USPL1: variants seen among roughly 807,000 people sequenced by gnomAD.
USPL1 encodes the protein ubiquitin specific peptidase like 1.
USPL1 carries 27 observed loss-of-function variants against 51.5 expected under a neutral mutation model. The ratio of observed to expected loss-of-function variants is 0.52; its 90% CI spans 0.39 to 0.72. USPL1 has a LOEUF of 0.72. Ranked by LOEUF, USPL1 falls within the 30% of genes least tolerant of loss-of-function variation. The pLI is 0.00. For synonymous variants in USPL1, 451 were observed against 459.6 expected (o/e 0.98, Z 0.24); for missense variants, 1,226 against 1,268.0 (o/e 0.97, Z 0.50).
chr13:30,629,963 CTATTAT>C lies in USPL1; in HGVS notation c.229-852_229-847del, dbSNP rs142884305. ...TTGTGTAAAAGAAGGCATTAATTAA[CTATTAT>C]TATTATTATTATTATTATTTTAGAG... On this transcript the variant is annotated intron_variant, in intron 3 of 8. Transcript: ENST00000255304. Among the ~76,000 whole-genome samples the C allele has an allele frequency of 2.2e-4, 33 of 151,136 alleles. 1 individual carries two copies. In the Middle Eastern group the frequency reaches 0.014, roughly 64 times the overall value.
At chr13:30,636,565 T>C (rs1950878629) in intron 4 of USPL1, among the ~76,000 whole-genome samples, 1 of 152,226 alleles carries the variant, frequency 6.6e-6, no homozygotes, top group Non-Finnish European at 1.5e-5. Flanking sequence ...ATAATTTTCT[T>C]ATTAATCTTG....
intron 5 of USPL1, among the ~76,000 whole-genome samples, chr13:30,639,108 C>G (rs952892674): frequency 6.6e-6 from 1 of 151,202 alleles, no homozygotes; most frequent in Non-Finnish European, 1.5e-5. Context: ...TCCAGCTACT[C>G]GGGAGGCTGA....
intron 4 of USPL1, among the ~76,000 whole-genome samples, chr13:30,636,860 C>T (rs79615506): frequency 2.5e-3 from 386 of 152,318 alleles, no homozygotes; most frequent in African/African-American, 8.7e-3. Context: ...CATAGCAAGA[C>T]CCTGTCTCCA....
Position 30,658,842 on chromosome 13 carries a change from A to G in USPL1, c.2765A>G (p.Gln922Arg), listed in dbSNP as rs1157527722. The G allele has an allele frequency of 6.2e-7, 1 of 1,614,018 alleles. No homozygotes were observed. Among genetic ancestry groups the G allele is most frequent in the African/African-American group, 1.3e-5 (1 of 75,076 alleles). The change falls in exon 9 of 9, where the codon CAG (glutamine) becomes CGG (arginine). Residue 922 changes from glutamine to arginine, a missense_variant. Gln to Arg is a conservative substitution (Grantham distance 43). Transcript: ENST00000255304. ...ACAGTTCGAAGTGAAAATCTAGAAC[A>G]GGTGCCCCAGGATGGGTCTCCAAAT... ...SRTVRSENLE[Q>R]VPQDGSPNDC...
At position 30,641,906 on chromosome 13, in the gene USPL1, A is replaced by AT. The variant is rs779288804; in HGVS notation, c.983-705dup. Among the ~76,000 whole-genome samples the AT allele has an allele frequency of 4.1e-3, 573 of 141,430 alleles. 2 individuals are homozygous for AT. The highest frequency in any genetic ancestry group is 8.8e-3 in the African/African-American group (342 of 38,652). The allele number at this position is 141,430 out of a possible 152,430, so 92.8% of individuals were successfully genotyped here. On this transcript the variant is annotated intron_variant, in intron 5 of 8. Coordinates refer to ENST00000255304, the MANE Select transcript of USPL1 (RefSeq NM_005800.5). ...ACATCTGTAGCAAACCATTTCCATA[A>AT]TTTTTTTTTTTTTTTTTAGAGACGA...
intron 5 of USPL1, among the ~76,000 whole-genome samples, chr13:30,638,590 G>GT (rs1950906139): frequency 6.6e-6 from 1 of 151,824 alleles, no homozygotes; most frequent in Non-Finnish European, 1.5e-5. Context: ...GAGCTGCGGG[G>GT]TTTTTTTGTT....
intron 7 of USPL1, 95 bp from the exon 8 acceptor site, chr13:30,653,053 G>A: frequency 7.9e-7 from 1 of 1,260,192 alleles, no homozygotes; most frequent in East Asian, 2.5e-5. Context: ...AGCCTTGGAA[G>A]TGTTATGTGT....
At chr13:30,621,303 A>T (rs959556684) in intron 2 of USPL1, 64 bp downstream of exon 2, 1 of 1,270,320 alleles carries the variant, frequency 7.9e-7, no homozygotes, top group Non-Finnish European at 1.1e-6. Flanking sequence ...TTGAGACTTA[A>T]ATTCAATTTT....
intron 4 of USPL1, among the ~76,000 whole-genome samples, chr13:30,636,716 T>C (rs1418500583): frequency 6.6e-6 from 1 of 152,190 alleles, no homozygotes; most frequent in Non-Finnish European, 1.5e-5. Flanking sequence ...AACTAAAATG[T>C]CTGGCAATAG....
chr13:30,633,973 T>C (rs886711034), intron 4 of USPL1, among the ~76,000 whole-genome samples: 1 of 152,168 alleles, frequency 6.6e-6, no homozygotes, highest in African/African-American at 2.4e-5. Context: ...CAAATTTCTT[T>C]TTCTTTCTTC....
At position 30,658,962 on chromosome 13, in the gene USPL1, T is replaced by C. The variant is rs1282697652; in HGVS notation, c.2885T>C (p.Leu962Pro). 6.2e-7 allele frequency: 1 copy of C among 1,614,242 alleles called. No homozygotes were observed. Among genetic ancestry groups the C allele is most frequent in the South Asian group, 1.1e-5 (1 of 91,086 alleles). The part of the protein sequence containing the change: ...SACTTVPGVS[L>P]YSSQTHEEIL... ...TGCACCACTGTTCCTGGTGTTTCCC[T>C]GTACAGTAGTCAAACTCATGAAGAA... The change falls in exon 9 of 9, where the codon CTG becomes CCG. Residue 962 changes from leucine to proline, a missense_variant. Coordinates refer to ENST00000255304, the MANE Select transcript of USPL1 (RefSeq NM_005800.5).
In USPL1 at chr13:30,621,077, C is replaced by A; in HGVS notation, c.-64C>A. 1 of 1,323,290 alleles carries A rather than the reference C, an allele frequency of 7.6e-7. No individual in the cohort carries two copies. Among genetic ancestry groups the A allele is most frequent in the South Asian group, 1.3e-5 (1 of 74,084 alleles). The allele number at this position is 1,323,290 out of a possible 1,614,324, so 82.0% of individuals were successfully genotyped here. A position where few individuals can be genotyped will look rare whatever the true frequency, so the allele number is the denominator to read the frequency against. ...CTATTGACTTTTTTTTTCCAGGGTT[C>A]ATTGAAAAAATCCTTAGTGATATTG... On this transcript the variant is annotated 5_prime_UTR_variant, in exon 2 of 9. Coordinates refer to ENST00000255304, the MANE Select transcript of USPL1 (RefSeq NM_005800.5).
At position 30,658,312 on chromosome 13, in the gene USPL1, GTC is replaced by G; in HGVS notation, c.2239_2240del (p.Leu747GlufsTer14). ...CAACATCTAAGTCATTACAGAATCA[GTC>G]TCTGAAAGAAAATCAGAAGAAGCCA... The part of the protein sequence containing the change: ...TTTSKSLQNQ[S>X]LKENQKKPFV... On this transcript the variant is annotated frameshift_variant, in exon 9 of 9. Transcript: ENST00000255304. LOFTEE classifies it low-confidence loss of function (END_TRUNC). The G allele has an allele frequency of 6.2e-7, 1 of 1,614,042 alleles. No individual in the cohort carries two copies. Among genetic ancestry groups the G allele is most frequent in the Non-Finnish European group, 8.5e-7 (1 of 1,180,038 alleles).
At chr13:30,618,661 G>A (rs1950604388) in intron 1 of USPL1, among the ~76,000 whole-genome samples, 1 of 152,064 alleles carries the variant, frequency 6.6e-6, no homozygotes, top group Non-Finnish European at 1.5e-5. Context: ...ATCTAACTGG[G>A]TTCATGCTGG....
At chr13:30,621,726 G>T in intron 2 of USPL1, 38 bp from the exon 3 acceptor site, 2 of 1,391,798 alleles carry the variant, frequency 1.4e-6, no homozygotes, top group Non-Finnish European at 1.9e-6. Context: ...TATATTCTAG[G>T]AATGTCTATA....
At chr13:30,633,744 G>A (rs1245196131) in intron 4 of USPL1, among the ~76,000 whole-genome samples, 1 of 138,658 alleles carries the variant, frequency 7.2e-6, no homozygotes, top group African/African-American at 2.8e-5. Flanking sequence ...TCACGCCACT[G>A]CACTCCAACC....
At chr13:30,655,234 G>A (rs947609951) in intron 8 of USPL1, among the ~76,000 whole-genome samples, 1 of 152,180 alleles carries the variant, frequency 6.6e-6, no homozygotes, top group Non-Finnish European at 1.5e-5. Flanking sequence ...ACCGCACCCG[G>A]CCATATCTTA....
At chr13:30,646,178 C>T (rs547710624) in intron 6 of USPL1, among the ~76,000 whole-genome samples, 1 of 152,162 alleles carries the variant, frequency 6.6e-6, no homozygotes, top group Non-Finnish European at 1.5e-5. Flanking sequence ...TAAGTAGCTG[C>T]TCTTTAAATT....
chr13:30,650,119 A>G (rs1000446514), intron 7 of USPL1, among the ~76,000 whole-genome samples: 8 of 152,154 alleles, frequency 5.3e-5, no homozygotes, highest in African/African-American at 1.9e-4. Flanking sequence ...TGGCCTCCCA[A>G]AGTGAGGCTG....
Sources: gnomAD v4.1 joint callset for allele counts (sites outside exome capture counted in the v4.1 genomes callset) on GRCh38, gnomAD v4.1.1 for gene constraint, MANE v1.5 for transcripts, NCBI Gene and HGNC (gene_info 2026-07-23, HGNC 2026-07-21) for gene names.